The following FMN2 variants were observed in gnomAD, a reference collection of about 807,000 sequenced individuals.
The protein encoded by FMN2 is formin 2.
Under a neutral mutation model 142.3 loss-of-function variants are expected in FMN2, and 51 were observed. The observed-to-expected ratio is 0.36, with a 90% confidence interval of 0.29 to 0.45. The LOEUF (loss-of-function observed/expected upper bound fraction) is 0.45, where lower values mean the gene tolerates loss of function less well. Among genes scored for constraint, FMN2 ranks in the 20% least tolerant of loss-of-function variants. The pLI, the probability that FMN2 is intolerant of heterozygous loss-of-function variation, is 1.00. For missense variants in FMN2, 1,936 were observed against 2,122.8 expected (o/e 0.91, Z 1.73); for synonymous variants, 882 against 869.8 (o/e 1.01, Z -0.25).
At chr1:240,424,667 A>G (rs1674878480) in intron 15 of FMN2, among the ~76,000 whole-genome samples, 1 of 152,208 alleles carries the variant, frequency 6.6e-6, no homozygotes, top group African/African-American at 2.4e-5. Context: ...TGGCATCCCC[A>G]TAAGGATGCT....
At chr1:240,383,911 A>G (rs1401252538) in intron 14 of FMN2, among the ~76,000 whole-genome samples, 1 of 151,734 alleles carries the variant, frequency 6.6e-6, no homozygotes, top group East Asian at 1.9e-4. Context: ...TATTCTTTAT[A>G]TATGGAATAC....
At chr1:240,255,245 A>G (rs928685400) in intron 6 of FMN2, among the ~76,000 whole-genome samples, 13 of 151,982 alleles carry the variant, frequency 8.6e-5, no homozygotes, top group African/African-American at 2.4e-4. Flanking sequence ...TTGAATTCCA[A>G]TGTTCTCTCT....
intron 13 of FMN2, among the ~76,000 whole-genome samples, chr1:240,337,064 G>A (rs1025539187): frequency 1.3e-5 from 2 of 151,984 alleles, no homozygotes; most frequent in Non-Finnish European, 2.9e-5. Flanking sequence ...AGGAACGAGA[G>A]GGATATAAAT....
At chr1:240,103,914 A>G (rs955714986) in intron 1 of FMN2, among the ~76,000 whole-genome samples, 8 of 151,646 alleles carry the variant, frequency 5.3e-5, no homozygotes, top group Non-Finnish European at 1.0e-4. Flanking sequence ...GTCTTGCTCT[A>G]TCCCCAGGCT....
At chr1:240,431,199 T>G (rs1465829637) in intron 15 of FMN2, among the ~76,000 whole-genome samples, 2 of 151,820 alleles carry the variant, frequency 1.3e-5, no homozygotes, top group Non-Finnish European at 1.5e-5. Context: ...TAATACAAAT[T>G]ATATTGCTTT....
chr1:240,339,147 G>T (rs543757506), intron 13 of FMN2, among the ~76,000 whole-genome samples: 1 of 152,060 alleles, frequency 6.6e-6, no homozygotes, highest in African/African-American at 2.4e-5. Flanking sequence ...TGGGTGTCCC[G>T]GCTCCTAACA....
chr1:240,186,528 G>T (rs578156168), intron 3 of FMN2, among the ~76,000 whole-genome samples: 2 of 152,230 alleles, frequency 1.3e-5, no homozygotes, highest in African/African-American at 4.8e-5. Flanking sequence ...AAGGGTGAGT[G>T]TGTGCTGAGT....
chr1:240,099,495 C>A (rs1007339590), intron 1 of FMN2, among the ~76,000 whole-genome samples: 1 of 151,948 alleles, frequency 6.6e-6, no homozygotes, highest in South Asian at 2.1e-4. Flanking sequence ...GAAGAGGAGG[C>A]GGTAGCTGAC....
At chr1:240,325,953 T>C (rs972235524) in intron 8 of FMN2, among the ~76,000 whole-genome samples, 11 of 152,202 alleles carry the variant, frequency 7.2e-5, no homozygotes, top group Non-Finnish European at 1.6e-4. Context: ...TAAATGTCTT[T>C]AAACATCAAA....
intron 6 of FMN2, among the ~76,000 whole-genome samples, chr1:240,216,232 T>C (rs917880423): frequency 2.0e-5 from 3 of 152,180 alleles, no homozygotes; most frequent in Non-Finnish European, 4.4e-5. Flanking sequence ...ATTTCATTTA[T>C]CCCATGGTAA....
chr1:240,212,870 G>A (rs772702199), intron 6 of FMN2, among the ~76,000 whole-genome samples: 6 of 151,406 alleles, frequency 4.0e-5, no homozygotes, highest in Non-Finnish European at 7.4e-5. Flanking sequence ...AGCCTCTCTC[G>A]TCCAGGGACC....
intron 3 of FMN2, among the ~76,000 whole-genome samples, chr1:240,178,449 T>TC (rs932548802): frequency 1.6e-5 from 2 of 125,286 alleles, no homozygotes; most frequent in African/African-American, 6.3e-5. Context: ...TTCTTCTTCT[T>TC]TTTTTTTTTT....
chr1:240,190,333 A>G (rs750024816), intron 4 of FMN2, among the ~76,000 whole-genome samples: 9 of 152,226 alleles, frequency 5.9e-5, no homozygotes, highest in Non-Finnish European at 1.0e-4. Context: ...GCACCCGACA[A>G]TGACATCACT....
chr1:240,328,167 A>AAAAAAAAAAAAAAAAAG lies in FMN2; in HGVS notation c.4216-904_4216-903insAAAAAAAAAAAGAAAAA, dbSNP rs1558435720. 6.1e-4 allele frequency among the ~76,000 whole-genome samples: 86 copies of AAAAAAAAAAAAAAAAAG among 141,120 alleles called. 2 individuals are homozygous for AAAAAAAAAAAAAAAAAG. Among genetic ancestry groups the AAAAAAAAAAAAAAAAAG allele is most frequent in the Non-Finnish European group, 8.5e-4 (55 of 64,828 alleles). 92.6% of individuals were successfully genotyped at this position (141,120 alleles called of 152,430 possible). ...CATCTCAAAAAAAAAAAAAAAAAAAAAAAAAGAAAAAGAAAATCCAGCAAA... is the reference window on the plus strand; with the variant it reads ...CATCTCAAAAAAAAAAAAAAAAAAAAAAAAAAAAAAAAAAAAGAAAAAGAAAAAGAAAATCCAGCAAA... On this transcript the variant is annotated intron_variant, in intron 8 of 17. Coordinates refer to ENST00000319653, the MANE Select transcript of FMN2 (RefSeq NM_020066.5).
intron 8 of FMN2, among the ~76,000 whole-genome samples, chr1:240,310,620 A>G (rs1215353869): frequency 6.6e-6 from 1 of 152,218 alleles, no homozygotes; most frequent in Non-Finnish European, 1.5e-5. Context: ...ATTGACTGTC[A>G]TTAAGTTCAG....
At chr1:240,148,230 AGAGACCGAGAGAG>A (rs1663576047) in intron 2 of FMN2, among the ~76,000 whole-genome samples, 1 of 48,304 alleles carries the variant, frequency 2.1e-5, no homozygotes, top group South Asian at 1.5e-3. Context: ...ACAGAGAGAC[AGAGACCGAGAGAG>A]ACAAACAGAG....
intron 6 of FMN2, among the ~76,000 whole-genome samples, chr1:240,228,070 G>A (rs529116441): frequency 3.0e-4 from 45 of 151,914 alleles, no homozygotes; most frequent in African/African-American, 1.1e-3. Flanking sequence ...TTGGGAGGCC[G>A]AGGCGGGTGG....
intron 16 of FMN2, among the ~76,000 whole-genome samples, chr1:240,460,362 C>T (rs1489938835): frequency 2.0e-5 from 3 of 152,250 alleles, no homozygotes; most frequent in African/African-American, 4.8e-5. Context: ...GAGGCCAAGG[C>T]GGGCATATCA....
intron 15 of FMN2, among the ~76,000 whole-genome samples, chr1:240,393,849 C>G (rs971569146): frequency 6.6e-6 from 1 of 152,190 alleles, no homozygotes; most frequent in Non-Finnish European, 1.5e-5. Context: ...GTCTGTTACA[C>G]AATAGTCTGT....
Sources: gnomAD v4.1 joint callset for allele counts (sites outside exome capture counted in the v4.1 genomes callset) on GRCh38, gnomAD v4.1.1 for gene constraint, MANE v1.5 for transcripts, NCBI Gene and HGNC (gene_info 2026-07-23, HGNC 2026-07-21) for gene names.